The following PCDH9 variants were observed in gnomAD, a reference collection of about 807,000 sequenced individuals.
PCDH9 encodes protocadherin 9.
A neutral mutation model predicts 70.6 loss-of-function variants in PCDH9; 24 were observed. That is an observed-to-expected ratio of 0.34 (90% CI 0.25 to 0.48). PCDH9 has a LOEUF of 0.48. PCDH9 is among the 20% of genes least tolerant of loss of function. The pLI, the probability that PCDH9 is intolerant of heterozygous loss-of-function variation, is 0.99. For missense variants in PCDH9, 1,281 were observed against 1,503.6 expected, an observed-to-expected ratio of 0.85 and a Z score of 2.45; for synonymous variants, 562 against 558.5, an observed-to-expected ratio of 1.01 and a Z score of -0.09.
chr13:66,573,454 A>G (rs1311418523), intron 4 of PCDH9, among the ~76,000 whole-genome samples: 2 of 152,052 alleles, frequency 1.3e-5, no homozygotes, highest in Non-Finnish European at 2.9e-5. Context: ...CTTGTTATCA[A>G]TTAAAACTCA....
chr13:67,044,899 G>T (rs2139916554), intron 2 of PCDH9, among the ~76,000 whole-genome samples: 1 of 152,182 alleles, frequency 6.6e-6, no homozygotes, highest in South Asian at 2.1e-4. Flanking sequence ...AAATACAAAA[G>T]ATATGTTGTG....
chr13:66,329,626 G>T (rs1157564917), intron 4 of PCDH9, among the ~76,000 whole-genome samples: 1 of 152,120 alleles, frequency 6.6e-6, no homozygotes, highest in African/African-American at 2.4e-5. Flanking sequence ...TACATGGAAT[G>T]GGTTTTTAAT....
intron 3 of PCDH9, among the ~76,000 whole-genome samples, chr13:66,849,164 A>G (rs1355620133): frequency 1.3e-5 from 2 of 151,960 alleles, no homozygotes; most frequent in East Asian, 1.9e-4. Flanking sequence ...ATGGTAATAT[A>G]TTGATGATAT....
At chr13:66,548,897 T>G (rs1343890605) in intron 4 of PCDH9, among the ~76,000 whole-genome samples, 7 of 152,138 alleles carry the variant, frequency 4.6e-5, no homozygotes, top group Non-Finnish European at 8.8e-5. Flanking sequence ...ATGTTTTTTA[T>G]TAAAACATTA....
intron 2 of PCDH9, among the ~76,000 whole-genome samples, chr13:67,024,745 A>C (rs2084745880): frequency 6.6e-6 from 1 of 152,112 alleles, no homozygotes; most frequent in Admixed American, 6.6e-5. Context: ...ACACTGAAGA[A>C]AATAGTAATA....
chr13:67,016,535 A>G (rs1376524945), intron 2 of PCDH9, among the ~76,000 whole-genome samples: 2 of 152,144 alleles, frequency 1.3e-5, no homozygotes, highest in Non-Finnish European at 2.9e-5. Context: ...CATTTTCCCA[A>G]TCATCTTGCC....
At chr13:66,719,333 C>G (rs916775126) in intron 3 of PCDH9, among the ~76,000 whole-genome samples, 1 of 152,004 alleles carries the variant, frequency 6.6e-6, no homozygotes, top group Non-Finnish European at 1.5e-5. Context: ...AAACCTAGTG[C>G]CCATTGTGGT....
chr13:66,907,487 TGTGGATA>T (rs1234140010), intron 2 of PCDH9, among the ~76,000 whole-genome samples: 2 of 152,202 alleles, frequency 1.3e-5, no homozygotes, highest in Non-Finnish European at 2.9e-5. Flanking sequence ...TATTGCAATA[TGTGGATA>T]AATCATGCCA....
At chr13:66,461,452 A>C (rs1958423912) in intron 4 of PCDH9, among the ~76,000 whole-genome samples, 1 of 151,690 alleles carries the variant, frequency 6.6e-6, no homozygotes, top group Non-Finnish European at 1.5e-5. Context: ...AAAAAAGCTC[A>C]GCTAAATAAT....
At chr13:66,400,745 T>C (rs997917546) in intron 4 of PCDH9, among the ~76,000 whole-genome samples, 1 of 151,988 alleles carries the variant, frequency 6.6e-6, no homozygotes, top group South Asian at 2.1e-4. Flanking sequence ...AAATGCACAG[T>C]TTTTTTTAAC....
intron 2 of PCDH9, among the ~76,000 whole-genome samples, chr13:67,173,198 T>G (rs2088345815): frequency 6.6e-6 from 1 of 152,124 alleles, no homozygotes; most frequent in African/African-American, 2.4e-5. Flanking sequence ...GAGGGAGGAT[T>G]GAAGGTTATC....
At chr13:66,517,683 C>T (rs118031126) in intron 4 of PCDH9, among the ~76,000 whole-genome samples, 5,099 of 152,144 alleles carry the variant, frequency 0.034, 138 homozygotes, top group South Asian at 0.11. Context: ...TAAACTTGGC[C>T]TTCAGGAAAC....
intron 3 of PCDH9, among the ~76,000 whole-genome samples, chr13:66,658,598 A>G (rs1341194399): frequency 6.6e-6 from 1 of 152,178 alleles, no homozygotes; most frequent in Non-Finnish European, 1.5e-5. Context: ...AACACAATTT[A>G]AACACTCATT....
intron 3 of PCDH9, among the ~76,000 whole-genome samples, chr13:66,763,132 T>A (rs1042541618): frequency 6.6e-6 from 1 of 151,728 alleles, no homozygotes; most frequent in Non-Finnish European, 1.5e-5. Flanking sequence ...ACTACTTAAA[T>A]TTTTTGTGTA....
chr13:66,932,086 G>GT (rs2082820811), intron 2 of PCDH9, among the ~76,000 whole-genome samples: 1 of 152,056 alleles, frequency 6.6e-6, no homozygotes, highest in Admixed American at 6.6e-5. Flanking sequence ...ACCTGTGATC[G>GT]TAACAGGAAG....
chr13:66,733,194 T>C (rs1327295881), intron 3 of PCDH9, among the ~76,000 whole-genome samples: 4 of 152,038 alleles, frequency 2.6e-5, no homozygotes, highest in Non-Finnish European at 5.9e-5. Context: ...AACTTAGTCA[T>C]TAGGGAGTGT....
At chr13:66,748,251 A>G (rs531758485) in intron 3 of PCDH9, among the ~76,000 whole-genome samples, 1 of 152,338 alleles carries the variant, frequency 6.6e-6, no homozygotes, top group African/African-American at 2.4e-5. Flanking sequence ...TATAAAATGG[A>G]TGCTTCTAGA....
chr13:66,449,786 C>G (rs1368650020), intron 4 of PCDH9, among the ~76,000 whole-genome samples: 3 of 152,058 alleles, frequency 2.0e-5, no homozygotes, highest in Non-Finnish European at 2.9e-5. Context: ...TATAAATAAA[C>G]TGATTATAAT....
At chr13:67,157,739 T>C (rs771731737) in intron 2 of PCDH9, among the ~76,000 whole-genome samples, 2 of 152,228 alleles carry the variant, frequency 1.3e-5, no homozygotes, top group Non-Finnish European at 2.9e-5. Context: ...AAAATACTTA[T>C]TAAATATATT....
Sources: allele counts gnomAD v4.1 joint callset (sites outside exome capture counted in the v4.1 genomes callset), GRCh38; gene constraint gnomAD v4.1.1; transcripts MANE v1.5; gene names NCBI Gene and HGNC (gene_info 2026-07-23, HGNC 2026-07-21).